The following DSCAM variants were observed in gnomAD, a reference collection of about 807,000 sequenced individuals.
DSCAM encodes the protein cell adhesion molecule DSCAM.
Under a neutral mutation model 217.7 loss-of-function variants are expected in DSCAM, and 47 were observed. That is an observed-to-expected ratio of 0.22 (90% CI 0.17 to 0.28). DSCAM has a LOEUF of 0.28. Among genes scored for constraint, DSCAM ranks in the 10% least tolerant of loss-of-function variants. The pLI, the probability that DSCAM is intolerant of heterozygous loss-of-function variation, is 1.00. For missense variants in DSCAM, 2,080 were observed against 2,618.3 expected, an observed-to-expected ratio of 0.79 and a Z score of 4.49; for synonymous variants, 1,056 against 1,015.3, an observed-to-expected ratio of 1.04 and a Z score of -0.76.
intron 18 of DSCAM, among the ~76,000 whole-genome samples, chr21:40,139,010 T>C (rs1486372118): frequency 1.4e-5 from 2 of 147,322 alleles, no homozygotes; most frequent in Admixed American, 6.8e-5. Context: ...GTGGTGTATG[T>C]GTGGTGTGTG....
In DSCAM at chr21:40,692,715, T is replaced by C. The variant is rs1330031250; in HGVS notation, c.508+95A>G. The C allele has an allele frequency of 3.5e-6, 5 of 1,417,558 alleles. No homozygotes were observed. The Admixed American group carries it at 8.1e-5, about 23-fold the overall frequency. 87.8% of individuals were successfully genotyped at this position (1,417,558 alleles called of 1,614,324 possible). A position where few individuals can be genotyped will look rare whatever the true frequency, so the allele number is the denominator to read the frequency against. On this transcript the variant is annotated intron_variant, in intron 3 of 32. Transcript: ENST00000400454. ...CCTTAAGAATACTAATTCTGAATTATGATGAACACATAAACGGAGACCCGA... is the reference window on the plus strand; with the variant it reads ...CCTTAAGAATACTAATTCTGAATTACGATGAACACATAAACGGAGACCCGA...
chr21:40,663,406 C>T (rs1453455021), intron 3 of DSCAM, among the ~76,000 whole-genome samples: 5 of 152,034 alleles, frequency 3.3e-5, no homozygotes, highest in Admixed American at 6.6e-5. Context: ...TCGCACACAA[C>T]GTGGAATTGC....
chr21:40,044,068 C>A lies in DSCAM; in HGVS notation c.5383+10G>T, dbSNP rs1568909396. On this transcript the variant is annotated intron_variant, in intron 31 of 32. Coordinates refer to ENST00000400454, the MANE Select transcript of DSCAM (RefSeq NM_001389.5). ...TCCCCAGGGACGGAGGAGGCAGCGT[C>A]AGGGCCTACCTGTGTCTTGCGAGGG... 1.2e-6 allele frequency: 2 copies of A among 1,612,998 alleles called. No homozygotes were observed. The highest frequency in any genetic ancestry group is 1.7e-6 in the Non-Finnish European group (2 of 1,179,994).
chr21:40,812,552 C>T (rs564921756), intron 1 of DSCAM, among the ~76,000 whole-genome samples: 16 of 152,292 alleles, frequency 1.1e-4, no homozygotes, highest in Admixed American at 3.3e-4. Context: ...CACACTCTCA[C>T]GGTATGGCTA....
intron 9 of DSCAM, among the ~76,000 whole-genome samples, chr21:40,301,704 C>T (rs571519843): frequency 1.9e-4 from 29 of 152,344 alleles, no homozygotes; most frequent in Non-Finnish European, 3.1e-4. Flanking sequence ...CCATGGCATG[C>T]CCAGCGCACA....
At chr21:40,153,646 A>T (rs1227871739) in intron 16 of DSCAM, among the ~76,000 whole-genome samples, 1 of 152,184 alleles carries the variant, frequency 6.6e-6, no homozygotes, top group Admixed American at 6.5e-5. Context: ...CAACATCCAC[A>T]TCACCTGGAA....
Position 40,037,203 on chromosome 21 carries a change from G to T in DSCAM, c.5686+5168C>A, listed in dbSNP as rs372028497. Among the ~76,000 whole-genome samples the T allele has an allele frequency of 9.4e-4, 139 of 147,722 alleles. 1 individual carries two copies. Among genetic ancestry groups the T allele is most frequent in the African/African-American group, 1.2e-3 (46 of 38,220 alleles). ...GGAGAAGGAAATAAAGGGTATTCAAGTAGGAAAAGAGGAAGTCAAATTGTC... is the reference window on the plus strand; with the variant it reads ...GGAGAAGGAAATAAAGGGTATTCAATTAGGAAAAGAGGAAGTCAAATTGTC... On this transcript the variant is annotated intron_variant, in intron 32 of 32. Transcript: ENST00000400454.
chr21:40,473,401 C>T (rs1319702666), intron 3 of DSCAM, among the ~76,000 whole-genome samples: 1 of 152,174 alleles, frequency 6.6e-6, no homozygotes, highest in Non-Finnish European at 1.5e-5. Context: ...CAAGAGGGGG[C>T]TGAGAAGCCA....
chr21:40,173,361 A>T (rs1406138435), intron 15 of DSCAM, among the ~76,000 whole-genome samples: 1 of 152,176 alleles, frequency 6.6e-6, no homozygotes, highest in Non-Finnish European at 1.5e-5. Context: ...AACATTCCAG[A>T]ACTGTTCCAG....
intron 32 of DSCAM, among the ~76,000 whole-genome samples, chr21:40,021,744 T>G (rs977042304): frequency 6.6e-6 from 1 of 152,218 alleles, no homozygotes; most frequent in African/African-American, 2.4e-5. Context: ...TCTCTCTCTT[T>G]CTCTAACCAC....
chr21:40,637,631 A>ATC lies in DSCAM; in HGVS notation c.508+55178_508+55179insGA, dbSNP rs1568955347. Reference sequence around the variant, plus strand: ...AATATATATAAATATATACATATATAAATATATATAAATATATATCTATAT... The same window carrying ATC: ...AATATATATAAATATATACATATATATCAATATATATAAATATATATCTATAT... On this transcript the variant is annotated intron_variant, in intron 3 of 32. Transcript: ENST00000400454. Among the ~76,000 whole-genome samples the ATC allele has an allele frequency of 9.5e-5, 4 of 42,068 alleles. 1 individual carries two copies. The South Asian group carries it at 2.7e-3, about 29-fold the overall frequency. The allele number at this position is 42,068 out of a possible 152,430, so 27.6% of individuals were successfully genotyped here.
At chr21:40,378,433 G>A (rs2074984719) in intron 3 of DSCAM, among the ~76,000 whole-genome samples, 1 of 151,948 alleles carries the variant, frequency 6.6e-6, no homozygotes, top group African/African-American at 2.4e-5. Context: ...TCAAGTGTGA[G>A]ACTTGCATAC....
chr21:40,389,252 G>T (rs1452204314), intron 3 of DSCAM, among the ~76,000 whole-genome samples: 1 of 152,116 alleles, frequency 6.6e-6, no homozygotes, highest in Non-Finnish European at 1.5e-5. Context: ...TAAATGTCTA[G>T]CATTGAAACC....
At chr21:40,342,039 T>C (rs940495332) in intron 6 of DSCAM, among the ~76,000 whole-genome samples, 1 of 152,224 alleles carries the variant, frequency 6.6e-6, no homozygotes, top group Non-Finnish European at 1.5e-5. Flanking sequence ...TTCCCAGAAA[T>C]ACCGTGGAAG....
intron 3 of DSCAM, among the ~76,000 whole-genome samples, chr21:40,388,462 C>A (rs1409190171): frequency 6.6e-6 from 1 of 152,108 alleles, no homozygotes; most frequent in East Asian, 1.9e-4. Context: ...GAAAAGCAAT[C>A]TCTTTAGTGC....
chr21:40,317,292 C>A (rs1294556072), intron 8 of DSCAM, among the ~76,000 whole-genome samples: 1 of 152,190 alleles, frequency 6.6e-6, no homozygotes, highest in East Asian at 1.9e-4. Flanking sequence ...CTGACCCAGT[C>A]TGATACAGTT....
intron 5 of DSCAM, among the ~76,000 whole-genome samples, chr21:40,350,877 CTTTTTTTTTTTTTTT>C (rs10658416): frequency 6.3e-5 from 4 of 63,872 alleles, no homozygotes; most frequent in East Asian, 6.1e-4. Context: ...ATAAGTCATA[CTTTTTTTTTTTTTTT>C]TTTTTTTTTT....
rs78766839 is a variant in DSCAM, at chr21:40,834,901, T to C, written c.43+11718A>G. Among the ~76,000 whole-genome samples the C allele has an allele frequency of 5.0e-3, 767 of 152,212 alleles. 3 individuals carry two copies. Among genetic ancestry groups the C allele is most frequent in the Non-Finnish European group, 8.7e-3 (595 of 68,002 alleles). On this transcript the variant is annotated intron_variant, in intron 1 of 32. Transcript: ENST00000400454. The stretch of plus-strand genomic sequence containing the variant: ...GAAAGGTGAACAAGATGGAGAGAGG[T>C]GAAATGCCGACTGCTCCTCCATTTC...
In DSCAM at chr21:40,353,121, C is replaced by A. The variant is rs1416222967; in HGVS notation, c.934+344G>T. ...AACAATCCTACCCTCTCTCTCTGTT[C>A]ATTTTTAGAGAGACTGGTTGTTGTG... On this transcript the variant is annotated intron_variant, in intron 5 of 32. Transcript: ENST00000400454. Among the ~76,000 whole-genome samples the A allele has an allele frequency of 2.0e-5, 3 of 152,154 alleles. No homozygotes were observed. The East Asian group carries it at 5.8e-4, about 29-fold the overall frequency.
Sources: gnomAD v4.1 joint callset for allele counts (sites outside exome capture counted in the v4.1 genomes callset) on GRCh38, gnomAD v4.1.1 for gene constraint, MANE v1.5 for transcripts, NCBI Gene and HGNC (gene_info 2026-07-23, HGNC 2026-07-21) for gene names.